Variants in FGF14 observed in about 807,000 individuals in gnomAD.
FGF14 encodes the protein fibroblast growth factor homologous factor 4.
FGF14 carries 5 observed loss-of-function variants against 25.5 expected under a neutral mutation model. The observed-to-expected ratio is 0.20, with a 90% CI of 0.10 to 0.41. The LOEUF is 0.41. Among genes scored for constraint, FGF14 ranks in the 10% least tolerant of loss-of-function variants. The probability of loss-of-function intolerance (pLI) is 1.00; values close to 1 mark genes in which losing one functional copy is unlikely to be tolerated. For synonymous variants in FGF14, 138 were observed against 118.3 expected (o/e 1.17, Z -1.08); for missense variants, 222 against 320.1 (o/e 0.69, Z 2.34).
At chr13:101,797,773 G>GCA (rs67134849) in intron 3 of FGF14, among the ~76,000 whole-genome samples, 1 of 128,104 alleles carries the variant, frequency 7.8e-6, no homozygotes, top group African/African-American at 3.2e-5. Flanking sequence ...GTGTGTGTGT[G>GCA]TGTGTGTGTT....
rs187423022 is a variant in FGF14 at position 101,776,710 on chromosome 13, T to G, written c.409-49900A>C. Among the ~76,000 whole-genome samples, 32 of 152,342 alleles carry G rather than the reference T, an allele frequency of 2.1e-4. No individual in the cohort carries two copies. In the East Asian group the frequency reaches 5.8e-3, roughly 28 times the overall value. The stretch of plus-strand genomic sequence containing the variant: ...AGCATGTTCTATAGCTACTCTTCTG[T>G]GTCTCCTGGTAATTTATGTGCAATA... On this transcript the variant is annotated intron_variant, in intron 3 of 4. Transcript: ENST00000376143.
At chr13:101,833,679 A>C (rs1264554190) in intron 3 of FGF14, among the ~76,000 whole-genome samples, 1 of 152,220 alleles carries the variant, frequency 6.6e-6, no homozygotes, top group African/African-American at 2.4e-5. Context: ...ATGTACATAC[A>C]TATATAGAAA....
intron 1 of FGF14, among the ~76,000 whole-genome samples, chr13:102,116,097 C>T (rs1307495907): frequency 1.3e-5 from 2 of 151,982 alleles, no homozygotes; most frequent in African/African-American, 2.4e-5. Context: ...GCAACAAGAG[C>T]GAAATTCCAT....
chr13:102,020,557 A>AAG (rs1491105830), intron 1 of FGF14, among the ~76,000 whole-genome samples: 4 of 142,218 alleles, frequency 2.8e-5, no homozygotes, highest in Admixed American at 1.4e-4. Context: ...GAAACAAAGA[A>AAG]AGAGAGAGAG....
intron 3 of FGF14, among the ~76,000 whole-genome samples, chr13:101,825,612 A>G (rs992735545): frequency 3.0e-4 from 45 of 152,222 alleles, no homozygotes; most frequent in African/African-American, 1.0e-3. Context: ...CCACTCAGAT[A>G]TAAAGCATGC....
chr13:101,780,358 G>C (rs2039415018), intron 3 of FGF14, among the ~76,000 whole-genome samples: 1 of 152,112 alleles, frequency 6.6e-6, no homozygotes, highest in Non-Finnish European at 1.5e-5. Flanking sequence ...AAATACTGCT[G>C]CTGATTTTAT....
chr13:102,269,080 T>C (rs181027621), intron 1 of FGF14, among the ~76,000 whole-genome samples: 38 of 152,324 alleles, frequency 2.5e-4, no homozygotes, highest in Admixed American at 1.4e-3. Context: ...GTTTGGGTGA[T>C]ACAGAAAAAT....
At chr13:102,260,214 T>A (rs2052655132) in intron 1 of FGF14, among the ~76,000 whole-genome samples, 1 of 152,218 alleles carries the variant, frequency 6.6e-6, no homozygotes, top group African/African-American at 2.4e-5. Flanking sequence ...AGTTATCTTT[T>A]GAATGGGTTA....
intron 1 of FGF14, among the ~76,000 whole-genome samples, chr13:101,937,760 C>T (rs993305330): frequency 6.6e-6 from 1 of 152,176 alleles, no homozygotes; most frequent in African/African-American, 2.4e-5. Flanking sequence ...CCACCACGCC[C>T]AGCTATTTTT....
At chr13:102,270,957 T>A (rs1050422935) in intron 1 of FGF14, among the ~76,000 whole-genome samples, 4 of 152,198 alleles carry the variant, frequency 2.6e-5, no homozygotes, top group African/African-American at 4.8e-5. Flanking sequence ...ATTATTTCCT[T>A]GCTTATGCTG....
intron 1 of FGF14, among the ~76,000 whole-genome samples, chr13:102,208,427 A>T (rs778525993): frequency 1.2e-4 from 18 of 152,224 alleles, no homozygotes; most frequent in Admixed American, 3.3e-4. Context: ...AAGCTTTTAA[A>T]ATATACATAT....
chr13:102,172,530 A>T (rs994779581), intron 1 of FGF14, among the ~76,000 whole-genome samples: 1 of 152,064 alleles, frequency 6.6e-6, no homozygotes, highest in Non-Finnish European at 1.5e-5. Flanking sequence ...ATTCTAGAAA[A>T]AGTGTTCAGA....
chr13:101,992,131 C>A (rs1206539970), intron 1 of FGF14, among the ~76,000 whole-genome samples: 1 of 152,144 alleles, frequency 6.6e-6, no homozygotes, highest in East Asian at 1.9e-4. Context: ...ACTCCTTCTA[C>A]ACCTCACCAC....
intron 3 of FGF14, among the ~76,000 whole-genome samples, chr13:101,795,177 G>A (rs1056677268): frequency 2.6e-5 from 4 of 152,068 alleles, no homozygotes; most frequent in Middle Eastern, 3.2e-3. Context: ...CAGACAATAT[G>A]CATTCACATG....
At chr13:101,815,983 T>C (rs776996864) in intron 3 of FGF14, among the ~76,000 whole-genome samples, 29 of 147,662 alleles carry the variant, frequency 2.0e-4, no homozygotes, top group Non-Finnish European at 3.9e-4. Flanking sequence ...TATTAAAAAG[T>C]TGGCTTGGCC....
At chr13:101,733,610 A>AT (rs1802096128) in intron 3 of FGF14, among the ~76,000 whole-genome samples, 1 of 126,944 alleles carries the variant, frequency 7.9e-6, no homozygotes, top group Non-Finnish European at 1.7e-5. Context: ...AAAAAAAAAA[A>AT]AAGAGAGAGA....
intron 3 of FGF14, among the ~76,000 whole-genome samples, chr13:101,790,166 C>A (rs1043458404): frequency 5.3e-5 from 8 of 151,232 alleles, no homozygotes; most frequent in South Asian, 2.1e-4. Context: ...TCCCAAATCT[C>A]ATTTTTACCA....
chr13:102,078,928 G>A (rs567255948), intron 1 of FGF14, among the ~76,000 whole-genome samples: 1 of 152,200 alleles, frequency 6.6e-6, no homozygotes, highest in African/African-American at 2.4e-5. Context: ...GCTAGAATCT[G>A]GGTAAGAAGT....
At chr13:102,150,283 TTG>T (rs1359447403) in intron 1 of FGF14, among the ~76,000 whole-genome samples, 1 of 134,666 alleles carries the variant, frequency 7.4e-6, no homozygotes, top group Non-Finnish European at 1.5e-5. Context: ...TTCTGTGTAT[TTG>T]TGTTTTTAGG....
Sources: allele counts gnomAD v4.1 joint callset (sites outside exome capture counted in the v4.1 genomes callset), GRCh38; gene constraint gnomAD v4.1.1; transcripts MANE v1.5; gene names NCBI Gene and HGNC (gene_info 2026-07-23, HGNC 2026-07-21).